ASPRV1: variants seen among roughly 807,000 people sequenced by gnomAD.
ASPRV1 encodes aspartic peptidase retroviral like 1.
Under a neutral mutation model 11.0 loss-of-function variants are expected in ASPRV1, and 7 were observed. The ratio of observed to expected loss-of-function variants is 0.64; its 90% confidence interval spans 0.36 to 1.20. The LOEUF (loss-of-function observed/expected upper bound fraction) is 1.20. Among genes scored for constraint, ASPRV1 ranks in the 50% most tolerant of loss-of-function variants. The pLI is 0.02. For synonymous variants in ASPRV1, 136 were observed against 138.4 expected, an observed-to-expected ratio of 0.98 and a Z score of 0.12; for missense variants, 299 against 320.0, an observed-to-expected ratio of 0.93 and a Z score of 0.50.
At chr2:69,965,245 A>C (rs1475163871), upstream of ASPRV1, among the ~76,000 whole-genome samples, 1 of 152,108 alleles carries the variant, frequency 6.6e-6, no homozygotes, top group African/African-American at 2.4e-5. Flanking sequence ...TCACCGTGTT[A>C]GCCAGGATGG....
the ASPRV1 span, among the ~76,000 whole-genome samples, chr2:70,072,460 C>T: frequency 4.7e-5 from 7 of 150,420 alleles, no homozygotes; most frequent in Non-Finnish European, 5.9e-5. Flanking sequence ...CAGTGGCTCA[C>T]GCCTGTAATC....
the ASPRV1 span, among the ~76,000 whole-genome samples, chr2:70,002,423 G>A: frequency 1.3e-5 from 2 of 152,202 alleles, no homozygotes; most frequent in African/African-American, 2.4e-5. Context: ...GCCTAAGAAA[G>A]AATGTGTCAC....
At chr2:70,071,370 AG>A in the ASPRV1 span, among the ~76,000 whole-genome samples, 2 of 152,262 alleles carry the variant, frequency 1.3e-5, no homozygotes, top group Non-Finnish European at 2.9e-5. Flanking sequence ...TCTTACACAT[AG>A]GAAGACTGTC....
At chr2:70,007,476 C>T in the ASPRV1 span, among the ~76,000 whole-genome samples, 1 of 151,976 alleles carries the variant, frequency 6.6e-6, no homozygotes, top group African/African-American at 2.4e-5. Flanking sequence ...CAAGATCGCA[C>T]CATTGCACTC....
the ASPRV1 span, chr2:70,048,567 C>T: frequency 3.3e-5 from 5 of 152,348 alleles, no homozygotes; most frequent in African/African-American, 1.2e-4. Context: ...CAGTAGGGGC[C>T]TACAGAGATC....
chr2:70,024,026 G>A, the ASPRV1 span, among the ~76,000 whole-genome samples: 1 of 150,882 alleles, frequency 6.6e-6, no homozygotes, highest in Non-Finnish European at 1.5e-5. Context: ...GAGGACAGGA[G>A]GACTGCTTGA....
At chr2:70,010,459 T>A in the ASPRV1 span, among the ~76,000 whole-genome samples, 1 of 151,338 alleles carries the variant, frequency 6.6e-6, no homozygotes, top group Non-Finnish European at 1.5e-5. Flanking sequence ...GCTGAGAGAG[T>A]GAGCAAGCAG....
the ASPRV1 span, among the ~76,000 whole-genome samples, chr2:70,058,122 G>A: frequency 6.6e-6 from 1 of 152,154 alleles, no homozygotes; most frequent in Non-Finnish European, 1.5e-5. Flanking sequence ...GGCTTTATCA[G>A]TACCACAAGG....
chr2:69,962,586 G>A (rs1678163182), upstream of ASPRV1: 1 of 153,292 alleles, frequency 6.5e-6, no homozygotes, highest in East Asian at 1.9e-4. Flanking sequence ...GGGGTAAAGG[G>A]TAGCACGGGA....
At chr2:69,958,842 C>T (rs916665655), downstream of ASPRV1, among the ~76,000 whole-genome samples, 2 of 152,318 alleles carry the variant, frequency 1.3e-5, no homozygotes, top group South Asian at 4.1e-4. Context: ...ACCCCCTTCT[C>T]CAGTTCTCCC....
chr2:70,024,310 C>T, the ASPRV1 span, among the ~76,000 whole-genome samples: 1 of 152,172 alleles, frequency 6.6e-6, no homozygotes. Context: ...AGGATCTCCT[C>T]ATAAAGTGCA....
At chr2:70,072,510 G>GT in the ASPRV1 span, among the ~76,000 whole-genome samples, 3 of 150,390 alleles carry the variant, frequency 2.0e-5, no homozygotes, top group Non-Finnish European at 4.4e-5. Context: ...ATCACTTGAG[G>GT]TCAGGAGTTT....
At chr2:70,020,976 G>GTA in the ASPRV1 span, among the ~76,000 whole-genome samples, 1 of 152,140 alleles carries the variant, frequency 6.6e-6, no homozygotes, top group African/African-American at 2.4e-5. Flanking sequence ...CTACTGAACA[G>GTA]TATACTTAAA....
At chr2:70,056,964 T>G in the ASPRV1 span, among the ~76,000 whole-genome samples, 9 of 152,090 alleles carry the variant, frequency 5.9e-5, no homozygotes, top group Non-Finnish European at 8.8e-5. Flanking sequence ...CTCAAACTCC[T>G]GACCTCAGGT....
the ASPRV1 span, among the ~76,000 whole-genome samples, chr2:69,984,812 T>G: frequency 6.7e-6 from 1 of 150,084 alleles, no homozygotes; most frequent in East Asian, 2.0e-4. Flanking sequence ...AGAGACGGGT[T>G]TTCACCATGT....
At chr2:70,044,039 G>T in the ASPRV1 span, among the ~76,000 whole-genome samples, 1 of 151,956 alleles carries the variant, frequency 6.6e-6, no homozygotes, top group African/African-American at 2.4e-5. Flanking sequence ...TCTCCTTCTT[G>T]TCCCTGCAAC....
the ASPRV1 span, among the ~76,000 whole-genome samples, chr2:70,008,468 G>C: frequency 1.0e-4 from 15 of 150,400 alleles, no homozygotes; most frequent in East Asian, 2.7e-3. Flanking sequence ...GGCCAGGTCT[G>C]GCAGCAGAGG....
chr2:69,950,638 T>G, the ASPRV1 span, among the ~76,000 whole-genome samples: 1 of 151,944 alleles, frequency 6.6e-6, no homozygotes, highest in African/African-American at 2.4e-5. Context: ...GGTCAGGGGT[T>G]CCAGACCAGC....
the ASPRV1 span, among the ~76,000 whole-genome samples, chr2:69,978,684 G>A: frequency 3.9e-5 from 6 of 152,206 alleles, no homozygotes; most frequent in Admixed American, 6.5e-5. Context: ...GTGTCCTGGT[G>A]AGGCAGTGAC....
Sources: gnomAD v4.1 joint callset for allele counts (sites outside exome capture counted in the v4.1 genomes callset) on GRCh38, gnomAD v4.1.1 for gene constraint, MANE v1.5 for transcripts, NCBI Gene and HGNC (gene_info 2026-07-23, HGNC 2026-07-21) for gene names.